Variants in KIF15 observed in about 807,000 individuals in gnomAD.
KIF15 encodes kinesin family member 15.
KIF15 carries 140 observed loss-of-function variants against 190.6 expected under a neutral mutation model. The observed-to-expected ratio is 0.73, with a 90% CI of 0.64 to 0.84. The LOEUF (loss-of-function observed/expected upper bound fraction) is 0.84. KIF15 is among the 40% of genes least tolerant of loss of function. The pLI is 0.00. For missense variants in KIF15, 1,372 were observed against 1,584.4 expected (o/e 0.87, Z 2.28); for synonymous variants, 528 against 551.3 (o/e 0.96, Z 0.59).
chr3:44,846,697 C>A (rs963562358), intron 30 of KIF15, among the ~76,000 whole-genome samples: 1 of 146,012 alleles, frequency 6.8e-6, no homozygotes, highest in East Asian at 2.0e-4. Context: ...TCGCTTGAAC[C>A]GGGGAGGTGG....
chr3:44,864,309 C>T, intron 6 of KIF15: 1 of 1,614,220 alleles, frequency 6.2e-7, no homozygotes, highest in Non-Finnish European at 8.5e-7. Context: ...GCCATTGCAT[C>T]TGTCACAGTG....
At chr3:44,788,739 C>T (rs1453886222) in intron 7 of KIF15, among the ~76,000 whole-genome samples, 1 of 152,190 alleles carries the variant, frequency 6.6e-6, no homozygotes, top group African/African-American at 2.4e-5. Flanking sequence ...AGACACTGCA[C>T]CTGGCCCTAT....
At chr3:44,809,681 C>CAAA (rs1014831612) in intron 16 of KIF15, among the ~76,000 whole-genome samples, 2 of 134,362 alleles carry the variant, frequency 1.5e-5, no homozygotes, top group African/African-American at 5.5e-5. Flanking sequence ...CCTACCTCTG[C>CAAA]AAAAAAAAAA....
chr3:44,840,738 G>A (rs1437909467), intron 28 of KIF15, among the ~76,000 whole-genome samples: 31 of 142,246 alleles, frequency 2.2e-4, no homozygotes, highest in Non-Finnish European at 4.5e-5. Flanking sequence ...GCATGATCTC[G>A]GCTCACTGCA....
intron 7 of KIF15, among the ~76,000 whole-genome samples, chr3:44,789,957 A>G (rs181935026): frequency 1.2e-3 from 186 of 152,170 alleles, no homozygotes; most frequent in African/African-American, 4.2e-3. Flanking sequence ...AATAATAACA[A>G]CTAAGATAAT....
rs1473580572 is a variant in KIF15, at chr3:44,801,753, A to G, written c.1300-12A>G. The G allele has an allele frequency of 2.7e-6, 4 of 1,478,120 alleles. No homozygotes were observed. Among genetic ancestry groups the G allele is most frequent in the Non-Finnish European group, 3.7e-6 (4 of 1,074,794 alleles). 91.6% of individuals were successfully genotyped at this position (1,478,120 alleles called of 1,614,324 possible). On this transcript the variant is annotated splice_polypyrimidine_tract_variant and intron_variant, in intron 12 of 34. Transcript: ENST00000326047. Reference sequence around the variant, plus strand: ...ATTTTTCATGTTTAACCAAATTATGAATTTCTTTAAGTCTCTGATAGAAAA... The same window carrying G: ...ATTTTTCATGTTTAACCAAATTATGGATTTCTTTAAGTCTCTGATAGAAAA...
Position 44,786,496 on chromosome 3 carries a change from A to C in KIF15, c.561A>C (p.Leu187Phe). 1 of 1,613,748 alleles carries C rather than the reference A, an allele frequency of 6.2e-7. No individual in the cohort carries two copies. The highest frequency in any genetic ancestry group is 2.2e-5 in the East Asian group (1 of 44,864). ...ACTCTGCATCGGCTGGACTGTACTT[A>C]AGGGAGCATATCAAGAAGGGAGTCT... is the stretch of plus-strand genomic sequence containing the variant. ...LLDSASAGLY[L>F]REHIKKGVFV... Residue 187 changes from leucine to phenylalanine, a missense_variant, in exon 7 of 35, where the codon TTA becomes TTC. By Grantham distance (22) the Leu-to-Phe change is conservative. Coordinates refer to ENST00000326047, the MANE Select transcript of KIF15 (RefSeq NM_020242.3).
intron 4 of KIF15, among the ~76,000 whole-genome samples, chr3:44,780,468 G>C (rs576870572): frequency 6.6e-6 from 1 of 152,218 alleles, no homozygotes; most frequent in South Asian, 2.1e-4. Flanking sequence ...AATAAATTAT[G>C]GTGCTGCAAG....
chr3:44,778,090 T>G, intron 3 of KIF15, 25 bp from the exon 4 acceptor site: 3 of 1,592,188 alleles, frequency 1.9e-6, no homozygotes, highest in Middle Eastern at 1.7e-4. Flanking sequence ...TTATGATATG[T>G]TAACATGTTT....
downstream of KIF15, among the ~76,000 whole-genome samples, chr3:44,858,090 G>A (rs1390847571): frequency 6.6e-6 from 1 of 152,220 alleles, no homozygotes; most frequent in Admixed American, 6.5e-5. Flanking sequence ...ACTGATGGGT[G>A]TCAGGGTCAG....
intron 1 of KIF15, among the ~76,000 whole-genome samples, chr3:44,766,807 C>CTTTTTTTTTT (rs766382105): frequency 5.1e-5 from 6 of 118,544 alleles, no homozygotes; most frequent in South Asian, 2.8e-4. Context: ...TTCTTTCTTT[C>CTTTTTTTTTT]TTTTTTTTTT....
intron 1 of KIF15, among the ~76,000 whole-genome samples, chr3:44,768,805 C>T (rs1333558890): frequency 6.6e-6 from 1 of 152,084 alleles, no homozygotes; most frequent in Non-Finnish European, 1.5e-5. Context: ...CAAAAGGGAC[C>T]ATTATCTGAG....
At chr3:44,808,055 C>T (rs1240878859) in intron 16 of KIF15, among the ~76,000 whole-genome samples, 1 of 152,066 alleles carries the variant, frequency 6.6e-6, no homozygotes, top group Admixed American at 6.6e-5. Context: ...CCTGGAGCCT[C>T]AGCCTCCCAG....
chr3:44,766,252 G>A (rs531544927), intron 1 of KIF15, among the ~76,000 whole-genome samples: 7 of 152,282 alleles, frequency 4.6e-5, no homozygotes, highest in Admixed American at 3.9e-4. Flanking sequence ...CAGAGCCTGG[G>A]GACTTGAGTT....
chr3:44,838,598 G>T (rs1056792741), intron 27 of KIF15, among the ~76,000 whole-genome samples, 177 bp downstream of exon 27: 3 of 151,920 alleles, frequency 2.0e-5, no homozygotes, highest in African/African-American at 7.3e-5. Flanking sequence ...AAATAGAAAA[G>T]TTAGCCGGGC....
At chr3:44,795,191 G>A (rs1482894215) in intron 8 of KIF15, among the ~76,000 whole-genome samples, 1 of 152,168 alleles carries the variant, frequency 6.6e-6, no homozygotes, top group African/African-American at 2.4e-5. Flanking sequence ...AGGAAGAAGG[G>A]TGCAATATGG....
chr3:44,832,311 A>C (rs1698110807), intron 26 of KIF15, among the ~76,000 whole-genome samples: 1 of 152,188 alleles, frequency 6.6e-6, no homozygotes, highest in East Asian at 1.9e-4. Context: ...GAGGAACGTC[A>C]GCTGTATCTT....
At chr3:44,821,089 C>A in intron 20 of KIF15, among the ~76,000 whole-genome samples, 1 of 147,900 alleles carries the variant, frequency 6.8e-6, no homozygotes, top group Admixed American at 6.6e-5. Flanking sequence ...CTGACCCCCC[C>A]CACCTCCCTC....
chr3:44,850,195 C>A (rs1190105721), intron 32 of KIF15, among the ~76,000 whole-genome samples: 1 of 152,146 alleles, frequency 6.6e-6, no homozygotes, highest in South Asian at 2.1e-4. Context: ...ACAAAGACCA[C>A]CCAATTTATG....
Sources: allele counts gnomAD v4.1 joint callset (sites outside exome capture counted in the v4.1 genomes callset), GRCh38; gene constraint gnomAD v4.1.1; transcripts MANE v1.5; gene names NCBI Gene and HGNC (gene_info 2026-07-23, HGNC 2026-07-21).